Variants in RARB observed in about 807,000 individuals in gnomAD.
RARB encodes HBV-activated protein.
RARB carries 17 observed loss-of-function variants against 51.9 expected under a neutral mutation model. That is an observed-to-expected ratio of 0.33 (90% CI 0.22 to 0.49). The LOEUF (loss-of-function observed/expected upper bound fraction) is 0.49. Among genes scored for constraint, RARB ranks in the 20% least tolerant of loss-of-function variants. RARB has a pLI of 0.99. For missense variants in RARB, 369 were observed against 550.8 expected, an observed-to-expected ratio of 0.67 and a Z score of 3.30; for synonymous variants, 215 against 195.4, an observed-to-expected ratio of 1.10 and a Z score of -0.84.
At chr3:25,130,938 T>TATC (rs370519279) in intron 3 of RARB, among the ~76,000 whole-genome samples, 113 of 10,724 alleles carry the variant, frequency 0.011, 1 homozygote, top group Middle Eastern at 0.042. Context: ...TCATTGATAA[T>TATC]ATCAATATTT....
intron 2 of RARB, among the ~76,000 whole-genome samples, chr3:24,900,058 A>G (rs547042004): frequency 1.3e-5 from 2 of 152,244 alleles, no homozygotes; most frequent in Admixed American, 1.3e-4. Flanking sequence ...GATTGATGTT[A>G]TAAGTGTCAT....
chr3:25,337,181 C>T (rs1398505529), intron 5 of RARB, among the ~76,000 whole-genome samples: 1 of 152,060 alleles, frequency 6.6e-6, no homozygotes, highest in Non-Finnish European at 1.5e-5. Flanking sequence ...ATATGTCAAC[C>T]ACTATTACCA....
chr3:25,075,584 G>C (rs1698855595), intron 3 of RARB, among the ~76,000 whole-genome samples: 1 of 151,886 alleles, frequency 6.6e-6, no homozygotes, highest in African/African-American at 2.4e-5. Flanking sequence ...ATTTTTACTG[G>C]AACTCTGCTA....
chr3:25,275,173 C>G lies in RARB; in HGVS notation c.178+100598C>G, dbSNP rs551749510. On this transcript the variant is annotated intron_variant, in intron 5 of 11. Coordinates refer to the RARB transcript ENST00000383772. ...GACTCTCCGTGAGCACCTCTTAACC[C>G]AAGTCTGGCTAGGCGCGGTGGCTCA... Among the ~76,000 whole-genome samples the G allele has an allele frequency of 3.3e-5, 5 of 152,270 alleles. No homozygotes were observed. In the South Asian group the frequency reaches 1.0e-3, roughly 32 times the overall value.
chr3:25,295,301 G>A (rs1459410397), intron 5 of RARB, among the ~76,000 whole-genome samples: 1 of 152,132 alleles, frequency 6.6e-6, no homozygotes, highest in South Asian at 2.1e-4. Context: ...GAGGTGATGA[G>A]GTTCTGCCTT....
intron 2 of RARB, among the ~76,000 whole-genome samples, chr3:25,043,558 A>G (rs1698154322): frequency 6.6e-6 from 1 of 152,260 alleles, no homozygotes; most frequent in Non-Finnish European, 1.5e-5. Flanking sequence ...TTCAAAAAGA[A>G]AGAATGTTTT....
At chr3:25,460,334 T>C (rs1695113145) in intron 1 of RARB, among the ~76,000 whole-genome samples, 2 of 152,154 alleles carry the variant, frequency 1.3e-5, no homozygotes, top group South Asian at 4.1e-4. Context: ...TGAAGATCAG[T>C]TATGGCTGCA....
At chr3:25,462,278 T>C (rs915497917) in intron 2 of RARB, 2 of 152,222 alleles carry the variant, frequency 1.3e-5, no homozygotes, top group Non-Finnish European at 2.9e-5. Flanking sequence ...ACAGTCTTAA[T>C]TGAGTGAAAG....
chr3:25,372,337 A>G (rs1175634776), intron 5 of RARB, among the ~76,000 whole-genome samples: 1 of 152,182 alleles, frequency 6.6e-6, no homozygotes, highest in Admixed American at 6.5e-5. Context: ...AACCAAAAAT[A>G]TTTCCAGATA....
At chr3:25,265,790 C>T (rs886248440) in intron 5 of RARB, among the ~76,000 whole-genome samples, 2 of 152,074 alleles carry the variant, frequency 1.3e-5, no homozygotes, top group Non-Finnish European at 1.5e-5. Context: ...TTTAATCTTA[C>T]AATTCTGAAG....
chr3:25,127,314 C>G (rs919779942), intron 3 of RARB, among the ~76,000 whole-genome samples: 4 of 152,130 alleles, frequency 2.6e-5, no homozygotes, highest in Non-Finnish European at 5.9e-5. Context: ...CACGGCCCAC[C>G]AGCCTTCTAT....
intron 2 of RARB, among the ~76,000 whole-genome samples, chr3:24,977,823 TC>T (rs1357784179): frequency 3.3e-5 from 5 of 152,212 alleles, no homozygotes; most frequent in Admixed American, 3.3e-4. Context: ...GGCATCCTTG[TC>T]TTGTGCCAGT....
intron 3 of RARB, among the ~76,000 whole-genome samples, chr3:25,563,502 T>C (rs895462035): frequency 3.9e-5 from 6 of 152,304 alleles, no homozygotes; most frequent in Admixed American, 3.9e-4. Flanking sequence ...CAGATTCTGA[T>C]GTAGAAGAAA....
chr3:25,339,625 A>G (rs895291442), intron 5 of RARB, among the ~76,000 whole-genome samples: 6 of 149,082 alleles, frequency 4.0e-5, no homozygotes, highest in Admixed American at 3.4e-4. Flanking sequence ...ATTTGAGAGC[A>G]TTTCCCCCAA....
intron 2 of RARB, among the ~76,000 whole-genome samples, chr3:24,985,328 C>A (rs1211249073): frequency 6.6e-6 from 1 of 150,996 alleles, no homozygotes; most frequent in Non-Finnish European, 1.5e-5. Flanking sequence ...ACTGCCATGG[C>A]ATTTGCCTCA....
At chr3:25,559,532 G>T (rs1700191388) in intron 3 of RARB, among the ~76,000 whole-genome samples, 1 of 152,174 alleles carries the variant, frequency 6.6e-6, no homozygotes, top group Admixed American at 6.5e-5. Context: ...TCTTTTACTA[G>T]AATGTGAATC....
chr3:24,834,867 T>C (rs778750100), intron 1 of RARB, among the ~76,000 whole-genome samples: 26 of 152,224 alleles, frequency 1.7e-4, no homozygotes, highest in Non-Finnish European at 3.2e-4. Context: ...CTCTGGGCTG[T>C]AGAACCAGTC....
At chr3:25,020,103 T>TTTA (rs1697597007) in intron 2 of RARB, 8 of 137,650 alleles carry the variant, frequency 5.8e-5, no homozygotes, top group South Asian at 2.3e-4. Context: ...ACTCAAGTTC[T>TTTA]CTATTATTAT....
chr3:25,436,589 T>A (rs376246202), intron 1 of RARB, among the ~76,000 whole-genome samples: 11 of 152,186 alleles, frequency 7.2e-5, no homozygotes, highest in African/African-American at 2.7e-4. Context: ...TGAACAGGTT[T>A]GGATTTGCAG....
Sources: gnomAD v4.1 joint callset for allele counts (sites outside exome capture counted in the v4.1 genomes callset) on GRCh38, gnomAD v4.1.1 for gene constraint, MANE v1.5 for transcripts, NCBI Gene and HGNC (gene_info 2026-07-23, HGNC 2026-07-21) for gene names.